GDPGP1: variants seen among roughly 807,000 people sequenced by gnomAD.
GDPGP1 encodes the protein GDP-D-glucose phosphorylase 1.
A neutral mutation model predicts 19.2 loss-of-function variants in GDPGP1; 18 were observed. The observed-to-expected ratio is 0.94, with a 90% CI of 0.65 to 1.39. GDPGP1 has a LOEUF of 1.39. Ranked by LOEUF, GDPGP1 falls within the 40% of genes most tolerant of loss-of-function variation. The pLI is 0.00. For missense variants in GDPGP1, 449 were observed against 490.5 expected (o/e 0.92, Z 0.80); for synonymous variants, 219 against 208.9 (o/e 1.05, Z -0.42).
chr15:90,237,397 T>C (rs1434343447), intron 2 of GDPGP1, among the ~76,000 whole-genome samples: 1 of 147,716 alleles, frequency 6.8e-6, no homozygotes, highest in Non-Finnish European at 1.5e-5. Context: ...TTCTCCTGCC[T>C]CAGCCTCCCA....
At chr15:90,238,334 G>A (rs1354940033) in intron 2 of GDPGP1, among the ~76,000 whole-genome samples, 158 bp from the exon 3 acceptor site, 1 of 152,126 alleles carries the variant, frequency 6.6e-6, no homozygotes, top group East Asian at 1.9e-4. Flanking sequence ...CCATTTCTAA[G>A]TGTATAGTCG....
intron 2 of GDPGP1, among the ~76,000 whole-genome samples, chr15:90,236,970 A>ATT (rs570381202): frequency 6.1e-4 from 90 of 147,482 alleles, no homozygotes; most frequent in African/African-American, 2.2e-3. Context: ...TATTTTATTT[A>ATT]TTTTTTTGAG....
chr15:90,236,523 T>C (rs77996148), intron 2 of GDPGP1, among the ~76,000 whole-genome samples: 3,701 of 152,302 alleles, frequency 0.024, 145 homozygotes, highest in African/African-American at 0.081. Context: ...CCATTTGGCA[T>C]ATTTCTCATT....
rs867650831 is a variant in GDPGP1, at chr15:90,243,240, G to C, written c.*1174G>C. ...CCATTTAGCCCTGCTCCACCCAAAT[G>C]CCCCACTCCTTCACTTTCCCTGCCA... On this transcript the variant is annotated 3_prime_UTR_variant, in exon 4 of 4. Transcript: ENST00000329600. 7.2e-5 allele frequency: 11 copies of C among 152,292 alleles called. No individual in the cohort carries two copies. Among genetic ancestry groups the C allele is most frequent in the African/African-American group, 2.4e-4 (10 of 41,534 alleles). 9.4% of individuals were successfully genotyped at this position (152,292 alleles called of 1,614,324 possible).
In GDPGP1 at chr15:90,237,945, C is replaced by T. The variant is rs183210615; in HGVS notation, c.-66-547C>T. Among the ~76,000 whole-genome samples the T allele has an allele frequency of 2.5e-3, 381 of 152,248 alleles. 6 individuals are homozygous for T. The highest frequency in any genetic ancestry group is 0.02 in the Middle Eastern group (6 of 294). On this transcript the variant is annotated intron_variant, in intron 2 of 3. Coordinates refer to ENST00000329600, the MANE Select transcript of GDPGP1 (RefSeq NM_001013657.3). Reference sequence around the variant, plus strand: ...TGATCATCAAAATTATGCTTAGCTTCACTTTTTTGTTGTTGTTGTCTTTTA... The same window carrying T: ...TGATCATCAAAATTATGCTTAGCTTTACTTTTTTGTTGTTGTTGTCTTTTA...
chr15:90,240,738 A>T, intron 3 of GDPGP1, 162 bp from the exon 4 acceptor site: 1 of 566,296 alleles, frequency 1.8e-6, no homozygotes, highest in Non-Finnish European at 3.1e-6. Flanking sequence ...GCTTGAACCC[A>T]GGAGGCGGAG....
chr15:90,235,576 CT>C lies in GDPGP1; in HGVS notation c.-67+989del, dbSNP rs886682381. 1.9e-4 allele frequency among the ~76,000 whole-genome samples: 29 copies of C among 150,446 alleles called. 1 individual carries two copies. Among genetic ancestry groups the C allele is most frequent in the African/African-American group, 5.4e-4 (22 of 40,928 alleles). ...CCCATCCCAACCTGATCATTTTTCTCTTTTTTTTTGAGACAGAGTCTCGCTG... is the reference window on the plus strand; with the variant it reads ...CCCATCCCAACCTGATCATTTTTCTCTTTTTTTTGAGACAGAGTCTCGCTG... On this transcript the variant is annotated intron_variant, in intron 2 of 3. Coordinates refer to ENST00000329600, the MANE Select transcript of GDPGP1 (RefSeq NM_001013657.3).
chr15:90,242,431 C>CTTTTTTTTTTTTTTTTTTTTTTTTTTT lies in GDPGP1; in HGVS notation c.*370_*396dup, dbSNP rs71151576. 2 of 65,510 alleles carry CTTTTTTTTTTTTTTTTTTTTTTTTTTT rather than the reference C, an allele frequency of 3.1e-5. No homozygotes were observed. Among genetic ancestry groups the CTTTTTTTTTTTTTTTTTTTTTTTTTTT allele is most frequent in the African/African-American group, 5.8e-5 (1 of 17,340 alleles). 4.1% of individuals were successfully genotyped at this position (65,510 alleles called of 1,614,324 possible). On this transcript the variant is annotated 3_prime_UTR_variant, in exon 4 of 4. Transcript: ENST00000329600. ...TGAGCCCCTGGATTCTTTTCTGTTT[C>CTTTTTTTTTTTTTTTTTTTTTTTTTTT]TTTTTTTTTTTTTTTTTTTTTTTTT... is the stretch of plus-strand genomic sequence containing the variant.
intron 2 of GDPGP1, among the ~76,000 whole-genome samples, chr15:90,237,633 G>A (rs796085530): frequency 2.8e-4 from 43 of 152,030 alleles, no homozygotes; most frequent in African/African-American, 9.9e-4. Flanking sequence ...GATTAATGAC[G>A]TTAAACATCC....
Position 90,244,917 on chromosome 15 carries a change from G to A in GDPGP1, c.*2851G>A, listed in dbSNP as rs1962833903. The stretch of plus-strand genomic sequence containing the variant: ...ACATCCTGAAGGAATGAGAGTCCCT[G>A]TTCACAGCGTAAGGGTGAAAGGGGG... On this transcript the variant is annotated 3_prime_UTR_variant, in exon 4 of 4. Transcript: ENST00000329600. 6.6e-6 allele frequency: 1 copy of A among 152,202 alleles called. No individual in the cohort carries two copies. Among genetic ancestry groups the A allele is most frequent in the African/African-American group, 2.4e-5 (1 of 41,436 alleles). 9.4% of individuals were successfully genotyped at this position (152,202 alleles called of 1,614,324 possible).
intron 3 of GDPGP1, among the ~76,000 whole-genome samples, chr15:90,240,440 G>A (rs552790372): frequency 1.1e-4 from 16 of 148,522 alleles, no homozygotes; most frequent in Non-Finnish European, 1.9e-4. Flanking sequence ...CCCAGGAGGT[G>A]GAGGTTGCAG....
intron 3 of GDPGP1, among the ~76,000 whole-genome samples, chr15:90,240,149 G>A (rs1273238928): frequency 6.6e-6 from 1 of 151,924 alleles, no homozygotes; most frequent in Non-Finnish European, 1.5e-5. Flanking sequence ...CTTGAACCTG[G>A]GAGGTAGAGG....
At chr15:90,235,713 A>G (rs1596175101) in intron 2 of GDPGP1, among the ~76,000 whole-genome samples, 1 of 151,560 alleles carries the variant, frequency 6.6e-6, no homozygotes, top group African/African-American at 2.4e-5. Context: ...GACTACAGGC[A>G]CCCGCCACCA....
At chr15:90,240,788 T>G (rs1348264804) in intron 3 of GDPGP1, 112 bp from the exon 4 acceptor site, 4 of 688,696 alleles carry the variant, frequency 5.8e-6, no homozygotes, top group Non-Finnish European at 7.1e-6. Context: ...CACTCCAGCC[T>G]GGGTGACAGA....
chr15:90,235,291 C>T (rs771796780), intron 2 of GDPGP1, among the ~76,000 whole-genome samples: 1 of 152,156 alleles, frequency 6.6e-6, no homozygotes, highest in Non-Finnish European at 1.5e-5. Context: ...CAAGGCCAGG[C>T]GCGGTGGCTC....
chr15:90,239,305 ATGTGTGTGTGTG>A (rs4031525), intron 3 of GDPGP1, among the ~76,000 whole-genome samples: 52 of 147,974 alleles, frequency 3.5e-4, no homozygotes, highest in African/African-American at 1.1e-3. Context: ...GAGACATAAA[ATGTGTGTGTGTG>A]TGTGTGTGTG....
In GDPGP1 at chr15:90,241,670, C is replaced by T. The variant is rs1296524711; in HGVS notation, c.762C>T (p.Gly254=). 1.2e-6 allele frequency: 2 copies of T among 1,614,220 alleles called. No individual in the cohort carries two copies. The highest frequency in any genetic ancestry group is 1.1e-5 in the South Asian group (1 of 91,086). ...TGCTCCAGGACCTCCCAGCTCCTGG[C>T]TTCCTCTTTTACACTCGTGGGCCAG... ...LHLLQDLPAP[G]FLFYTRGPGP... The change falls in exon 4 of 4, where the codon GGC becomes GGT. Residue 254 remains glycine, a synonymous_variant. Transcript: ENST00000329600.
At chr15:90,235,379 A>C (rs188940195) in intron 2 of GDPGP1, among the ~76,000 whole-genome samples, 64 of 152,306 alleles carry the variant, frequency 4.2e-4, no homozygotes, top group Admixed American at 1.8e-3. Context: ...CAGCATGGCC[A>C]ACATGGCAAA....
Position 90,242,086 on chromosome 15 carries a change from G to A in GDPGP1, c.*20G>A. The A allele has an allele frequency of 6.4e-7, 1 of 1,572,132 alleles. No homozygotes were observed. The highest frequency in any genetic ancestry group is 1.4e-5 in the African/African-American group (1 of 73,134). On this transcript the variant is annotated 3_prime_UTR_variant, in exon 4 of 4. Coordinates refer to ENST00000329600, the MANE Select transcript of GDPGP1 (RefSeq NM_001013657.3). ...CAATAATACTTCTGGATGTATTTAT[G>A]TTCTTTTTTTCTTTTCTTTTGAGAT...
Sources: allele counts gnomAD v4.1 joint callset (sites outside exome capture counted in the v4.1 genomes callset), GRCh38; gene constraint gnomAD v4.1.1; transcripts MANE v1.5; gene names NCBI Gene and HGNC (gene_info 2026-07-23, HGNC 2026-07-21).